TENM1: variants seen among roughly 807,000 people sequenced by gnomAD.
TENM1 encodes teneurin transmembrane protein 1.
Under a neutral mutation model 174.8 loss-of-function variants are expected in TENM1, and 35 were observed. The ratio of observed to expected loss-of-function variants is 0.20; its 90% CI spans 0.15 to 0.27. The LOEUF (loss-of-function observed/expected upper bound fraction) is 0.27, where lower values mean the gene tolerates loss of function less well. TENM1 is among the 10% of genes least tolerant of loss of function. TENM1 has a pLI of 1.00. For missense variants in TENM1, 1,633 were observed against 2,130.1 expected, an observed-to-expected ratio of 0.77 and a Z score of 4.59; for synonymous variants, 781 against 798.7, an observed-to-expected ratio of 0.98 and a Z score of 0.37.
chrX:124,704,011 C>G (rs969494964), intron 5 of TENM1, among the ~76,000 whole-genome samples: 7 of 112,026 alleles, frequency 6.2e-5, no homozygotes, highest in African/African-American at 2.3e-4. Context: ...GTCTATGATG[C>G]CCACACAAAC....
At chrX:124,912,551 T>A (rs1471622898) in intron 1 of TENM1, among the ~76,000 whole-genome samples, 2 of 109,962 alleles carry the variant, frequency 1.8e-5, no homozygotes, top group South Asian at 8.0e-4. Flanking sequence ...ATAATCACCA[T>A]GCACTTCAGA....
the TENM1 span, among the ~76,000 whole-genome samples, chrX:125,083,167 G>A: frequency 9.0e-6 from 1 of 110,721 alleles, no homozygotes; most frequent in African/African-American, 3.3e-5. Context: ...TCTTAATTCT[G>A]TTCTGTTTTG....
intron 5 of TENM1, among the ~76,000 whole-genome samples, chrX:124,673,488 C>G (rs909675839): frequency 3.6e-5 from 4 of 111,508 alleles, no homozygotes; most frequent in Non-Finnish European, 7.5e-5. Context: ...ACATCCTTTG[C>G]AGAAAGATAA....
the TENM1 span, among the ~76,000 whole-genome samples, chrX:125,025,256 T>C: frequency 9.0e-6 from 1 of 110,678 alleles, no homozygotes; most frequent in African/African-American, 3.3e-5. Context: ...ATACATACTA[T>C]TGTGTTTTTC....
intron 23 of TENM1, among the ~76,000 whole-genome samples, chrX:124,443,044 A>G (rs371804602): frequency 0.021 from 1,069 of 51,861 alleles, 26 homozygotes; most frequent in Middle Eastern, 0.071. Flanking sequence ...CTGGATGACT[A>G]TGTGTGTGTG....
At chrX:124,381,073 G>A (rs1195127987) in exon 32 of TENM1, 1 of 1,210,176 alleles carries the variant, frequency 8.3e-7, no homozygotes, top group African/African-American at 1.7e-5. Context: ...CAAGCCGCCT[G>A]CTATCTTCAT....
chrX:125,184,310 C>G, the TENM1 span, among the ~76,000 whole-genome samples: 2 of 111,890 alleles, frequency 1.8e-5, no homozygotes, highest in Middle Eastern at 9.3e-3. Flanking sequence ...GCACAACTGG[C>G]AGACTCATAA....
At chrX:124,589,359 TTG>T (rs1491016861) in intron 11 of TENM1, among the ~76,000 whole-genome samples, 1 of 66,856 alleles carries the variant, frequency 1.5e-5, no homozygotes, top group Non-Finnish European at 2.9e-5. Context: ...TAGTTTGTTG[TTG>T]TTGTTGTTGT....
the TENM1 span, among the ~76,000 whole-genome samples, chrX:125,167,351 A>G: frequency 2.7e-5 from 3 of 111,277 alleles, no homozygotes; most frequent in East Asian, 8.4e-4. Context: ...CTGAGGGTAC[A>G]TTTTAGGGAC....
intron 3 of TENM1, among the ~76,000 whole-genome samples, chrX:124,822,267 C>T (rs2147297965): frequency 8.9e-6 from 1 of 112,314 alleles, no homozygotes; most frequent in African/African-American, 3.2e-5. Flanking sequence ...GAGATGAATC[C>T]TGGTCCCTGC....
chrX:125,006,391 C>G, the TENM1 span, among the ~76,000 whole-genome samples: 3 of 111,912 alleles, frequency 2.7e-5, no homozygotes, highest in South Asian at 1.1e-3. Context: ...AGAACTCTCA[C>G]CTACCTGGGA....
intron 4 of TENM1, among the ~76,000 whole-genome samples, chrX:124,735,471 G>A (rs766658810): frequency 7.3e-4 from 82 of 112,189 alleles, no homozygotes; most frequent in African/African-American, 2.6e-3. Flanking sequence ...TGAAAATGTG[G>A]AGAAAAGGCA....
rs1278698559 is a variant in TENM1 at position 124,456,794 on chromosome X, A to G, written c.3950-3303T>C. ...ATCTGCAGATTCAATTTACTTTCCA[A>G]TTTTGATATTGCTGTGCCCAGATCT... On this transcript the variant is annotated intron_variant, in intron 22 of 31. Transcript: ENST00000422452. Among the ~76,000 whole-genome samples, 3 of 111,746 alleles carry G rather than the reference A, an allele frequency of 2.7e-5. No homozygotes were observed. In the East Asian group the frequency reaches 8.4e-4, roughly 31 times the overall value.
At chrX:125,042,624 T>G in the TENM1 span, among the ~76,000 whole-genome samples, 1 of 111,285 alleles carries the variant, frequency 9.0e-6, no homozygotes, top group South Asian at 3.7e-4. Flanking sequence ...ATGCCTTAAC[T>G]CTATAGAAGG....
intron 23 of TENM1, among the ~76,000 whole-genome samples, chrX:124,449,873 G>A (rs1028821979): frequency 9.0e-6 from 1 of 111,128 alleles, no homozygotes; most frequent in Non-Finnish European, 1.9e-5. Flanking sequence ...ATTCAAAACA[G>A]GCCAGTGTTT....
chrX:124,957,039 G>A (rs2058583599), intron 1 of TENM1, among the ~76,000 whole-genome samples: 1 of 112,214 alleles, frequency 8.9e-6, no homozygotes, highest in Non-Finnish European at 1.9e-5. Flanking sequence ...GGGATGAAGT[G>A]GCTTATCATA....
At chrX:125,110,172 C>T in the TENM1 span, among the ~76,000 whole-genome samples, 5,754 of 111,326 alleles carry the variant, frequency 0.052, 380 homozygotes, top group African/African-American at 0.18. Flanking sequence ...AAGGTGCTCC[C>T]TCTCATTAAC....
Position 124,439,881 on chromosome X carries a change from C to G in TENM1, c.4104+13456G>C, listed in dbSNP as rs140651399. ...TATGCATATTACCACATTAAATTCTCACAACCTCCCTATGGGGAAAGTAAC... is the reference window on the plus strand; with the variant it reads ...TATGCATATTACCACATTAAATTCTGACAACCTCCCTATGGGGAAAGTAAC... On this transcript the variant is annotated intron_variant, in intron 23 of 31. Coordinates refer to ENST00000422452, the Ensembl canonical transcript of TENM1. Among the ~76,000 whole-genome samples, 740 of 111,583 alleles carry G rather than the reference C, an allele frequency of 6.6e-3. 4 individuals are homozygous for G. The highest frequency in any genetic ancestry group is 0.023 in the African/African-American group (693 of 30,756).
At chrX:124,981,044 T>C in the TENM1 span, among the ~76,000 whole-genome samples, 1 of 112,118 alleles carries the variant, frequency 8.9e-6, no homozygotes, top group Non-Finnish European at 1.9e-5. Context: ...TATATATTAA[T>C]AGTACCTTGT....
Sources: gnomAD v4.1 joint callset for allele counts (sites outside exome capture counted in the v4.1 genomes callset) on GRCh38, gnomAD v4.1.1 for gene constraint, MANE v1.5 for transcripts, NCBI Gene and HGNC (gene_info 2026-07-23, HGNC 2026-07-21) for gene names.